The following GALNT13 variants were observed in gnomAD, a reference collection of about 807,000 sequenced individuals.
GALNT13 encodes polypeptide N-acetylgalactosaminyltransferase 13.
In GALNT13, 28 loss-of-function variants were observed where a neutral mutation model predicts 64.2. That is an observed-to-expected ratio of 0.44 (90% CI 0.32 to 0.60). The LOEUF is 0.60. Among genes scored for constraint, GALNT13 ranks in the 20% least tolerant of loss-of-function variants. GALNT13 has a pLI of 0.05. For synonymous variants in GALNT13, 214 were observed against 224.6 expected (o/e 0.95, Z 0.42); for missense variants, 577 against 669.8 (o/e 0.86, Z 1.53).
At chr2:153,083,147 G>T in the GALNT13 span, among the ~76,000 whole-genome samples, 1 of 152,090 alleles carries the variant, frequency 6.6e-6, no homozygotes, top group African/African-American at 2.4e-5. Context: ...ATTTGCAATT[G>T]CAAATTGTGC....
rs530916360 is a variant in GALNT13 at position 154,021,688 on chromosome 2, T to C, written c.142+77049T>C. Among the ~76,000 whole-genome samples, 54 of 151,894 alleles carry C rather than the reference T, an allele frequency of 3.6e-4. 1 individual carries two copies. The highest frequency in any genetic ancestry group is 3.2e-3 in the Admixed American group (49 of 15,230). Reference sequence around the variant, plus strand: ...TTTCTCTTTTCCTAATTGAATACCCTTTATTTCCTTCTCCTGCCTGATTGC... The same window carrying C: ...TTTCTCTTTTCCTAATTGAATACCCCTTATTTCCTTCTCCTGCCTGATTGC... On this transcript the variant is annotated intron_variant, in intron 3 of 12. Coordinates refer to ENST00000392825, the MANE Select transcript of GALNT13 (RefSeq NM_052917.4).
chr2:154,149,988 G>A (rs986118331), intron 4 of GALNT13, among the ~76,000 whole-genome samples: 14 of 152,122 alleles, frequency 9.2e-5, no homozygotes, highest in Non-Finnish European at 1.5e-4. Flanking sequence ...GTGAGAGAGG[G>A]CATCCCTGTC....
chr2:154,232,538 A>G (rs1688971041), intron 4 of GALNT13, among the ~76,000 whole-genome samples: 1 of 152,122 alleles, frequency 6.6e-6, no homozygotes, highest in Non-Finnish European at 1.5e-5. Context: ...TACCATCTTT[A>G]TTTACCATGT....
chr2:154,010,529 G>T (rs989358269), intron 3 of GALNT13, among the ~76,000 whole-genome samples: 1 of 152,238 alleles, frequency 6.6e-6, no homozygotes, highest in Non-Finnish European at 1.5e-5. Flanking sequence ...GTTCATCAAG[G>T]TTATTGGCCT....
At chr2:154,362,582 C>G (rs1272069982) in intron 9 of GALNT13, among the ~76,000 whole-genome samples, 1 of 151,980 alleles carries the variant, frequency 6.6e-6, no homozygotes, top group African/African-American at 2.4e-5. Flanking sequence ...CCCCACCCAA[C>G]CCAAAAGCTC....
At chr2:153,223,139 T>C in the GALNT13 span, among the ~76,000 whole-genome samples, 10 of 152,334 alleles carry the variant, frequency 6.6e-5, no homozygotes, top group South Asian at 2.1e-4. Flanking sequence ...ATCTTAAATA[T>C]GTGTGCATCT....
the GALNT13 span, among the ~76,000 whole-genome samples, chr2:153,434,594 T>C: frequency 1.3e-5 from 2 of 152,214 alleles, no homozygotes; most frequent in Non-Finnish European, 2.9e-5. Context: ...TGATGAGTTT[T>C]TTCATGTGTT....
chr2:153,336,540 A>T, the GALNT13 span, among the ~76,000 whole-genome samples: 4 of 152,070 alleles, frequency 2.6e-5, no homozygotes, highest in Admixed American at 6.5e-5. Context: ...TGTTTTGGAC[A>T]ATTTCTCCCA....
intron 9 of GALNT13, among the ~76,000 whole-genome samples, chr2:154,358,719 C>T (rs1696892189): frequency 1.3e-5 from 2 of 151,944 alleles, no homozygotes; most frequent in Non-Finnish European, 2.9e-5. Context: ...TGCACATGAT[C>T]TTTGAGCACA....
the GALNT13 span, among the ~76,000 whole-genome samples, chr2:153,645,185 G>A: frequency 6.6e-6 from 1 of 152,108 alleles, no homozygotes; most frequent in Non-Finnish European, 1.5e-5. Context: ...CGCGCTTCAT[G>A]GCATAATGCG....
chr2:154,272,063 G>A (rs1691383555), intron 8 of GALNT13, among the ~76,000 whole-genome samples: 1 of 151,786 alleles, frequency 6.6e-6, no homozygotes, highest in Non-Finnish European at 1.5e-5. Context: ...AATGTATAAA[G>A]TATACATTTT....
At chr2:154,096,637 C>G (rs1015634862) in intron 3 of GALNT13, among the ~76,000 whole-genome samples, 2 of 151,916 alleles carry the variant, frequency 1.3e-5, no homozygotes, top group Admixed American at 1.3e-4. Flanking sequence ...TTATAAAATG[C>G]CATCCTTTCA....
chr2:153,145,733 C>T, the GALNT13 span, among the ~76,000 whole-genome samples: 1 of 151,804 alleles, frequency 6.6e-6, no homozygotes, highest in African/African-American at 2.4e-5. Context: ...GAGGCTGAAA[C>T]CTAATCCATT....
the GALNT13 span, among the ~76,000 whole-genome samples, chr2:153,126,623 C>G: frequency 2.7e-4 from 41 of 152,192 alleles, no homozygotes; most frequent in African/African-American, 9.6e-4. Context: ...TCATTGAAAA[C>G]TGTATTTACC....
upstream of GALNT13, among the ~76,000 whole-genome samples, chr2:153,869,852 A>G (rs896021319): frequency 1.3e-5 from 2 of 152,132 alleles, no homozygotes; most frequent in African/African-American, 4.8e-5. Context: ...TTCCATGGCT[A>G]ATGAGACACC....
intron 7 of GALNT13, among the ~76,000 whole-genome samples, chr2:154,251,264 G>A (rs1440209131): frequency 1.3e-5 from 2 of 151,924 alleles, no homozygotes; most frequent in African/African-American, 4.8e-5. Flanking sequence ...TCCCTCGTAA[G>A]CATGAAATGA....
the GALNT13 span, among the ~76,000 whole-genome samples, chr2:153,242,772 G>A: frequency 6.6e-6 from 1 of 152,128 alleles, no homozygotes; most frequent in Non-Finnish European, 1.5e-5. Flanking sequence ...TGCCCACATG[G>A]GAGAACCTAA....
the GALNT13 span, among the ~76,000 whole-genome samples, chr2:153,345,136 G>A: frequency 6.6e-6 from 1 of 152,276 alleles, no homozygotes; most frequent in Non-Finnish European, 1.5e-5. Flanking sequence ...CTAGGGCAAA[G>A]TCCTTTCATT....
chr2:153,263,329 A>C, the GALNT13 span, among the ~76,000 whole-genome samples: 1 of 152,190 alleles, frequency 6.6e-6, no homozygotes, highest in Non-Finnish European at 1.5e-5. Flanking sequence ...TTCCATGCTT[A>C]TGGATAGGAA....
Sources: gnomAD v4.1 joint callset for allele counts (sites outside exome capture counted in the v4.1 genomes callset) on GRCh38, gnomAD v4.1.1 for gene constraint, MANE v1.5 for transcripts, NCBI Gene and HGNC (gene_info 2026-07-23, HGNC 2026-07-21) for gene names.